HTT: variants seen among roughly 807,000 people sequenced by gnomAD.
HTT encodes the protein huntingtin.
A neutral mutation model predicts 362.3 loss-of-function variants in HTT; 104 were observed. That is an observed-to-expected ratio of 0.29 (90% CI 0.24 to 0.34). The LOEUF is 0.34. Among genes scored for constraint, HTT ranks in the 10% least tolerant of loss-of-function variants. HTT has a pLI of 1.00. For synonymous variants in HTT, 1,577 were observed against 1,548.7 expected (o/e 1.02, Z -0.43); for missense variants, 3,301 against 3,928.6 (o/e 0.84, Z 4.27).
chr4:3,186,898 GC>G (rs1301740657), intron 38 of HTT, among the ~76,000 whole-genome samples, 179 bp downstream of exon 38: 1 of 136,780 alleles, frequency 7.3e-6, no homozygotes, highest in Non-Finnish European at 1.5e-5. Flanking sequence ...TCACTCTGTC[GC>G]CCAGGCTGGA....
intron 28 of HTT, among the ~76,000 whole-genome samples, chr4:3,158,126 G>A (rs566126310): frequency 2.0e-5 from 3 of 152,102 alleles, no homozygotes; most frequent in Admixed American, 6.6e-5. Context: ...TGGGACTACC[G>A]GCATGTGCCA....
At position 3,235,286 on chromosome 4, in the gene HTT, G is replaced by A. The variant is rs1402486052; in HGVS notation, c.8459G>A (p.Cys2820Tyr). The change falls in exon 62 of 67, where the codon TGC (cysteine) becomes TAC (tyrosine). Residue 2820 changes from cysteine (C) to tyrosine (Y), a missense_variant and splice_region_variant. This residue lies in a region of HTT where 753 missense variants were observed against 1,021.3 expected (regional missense o/e 0.74). Transcript: ENST00000355072. Reference sequence around the variant, plus strand: ...TGGATGCTGTCTCCCGTTTTCAGCTGCGTGAACATTCACAGCCAGCAGCAC... The same window carrying A: ...TGGATGCTGTCTCCCGTTTTCAGCTACGTGAACATTCACAGCCAGCAGCAC... ...LLSNLKGIAH[C>Y]VNIHSQQHVL... 1.9e-6 allele frequency: 3 copies of A among 1,609,796 alleles called. No individual in the cohort carries two copies. In the Admixed American group the frequency reaches 5.0e-5, roughly 27 times the overall value.
rs1712395122 is a variant in HTT, at chr4:3,074,908, AGCAGCAGCAGCAGCAGCAGCAG to A, written c.84_105del (p.Gln28HisfsTer66). The A allele has an allele frequency of 6.6e-7, 1 of 1,504,968 alleles. No individual in the cohort carries two copies. Among genetic ancestry groups the A allele is most frequent in the Non-Finnish European group, 8.8e-7 (1 of 1,133,092 alleles). 93.2% of individuals were successfully genotyped at this position (1,504,968 alleles called of 1,614,324 possible). ...CAGCAGCAGCAGCAGCAGCAGCAGCAGCAGCAGCAGCAGCAGCAGCAGCAGCAACAGCCGCCACCGCCGCCGC... is the reference window on the plus strand; with the variant it reads ...CAGCAGCAGCAGCAGCAGCAGCAGCACAGCAACAGCCGCCACCGCCGCCGC... On this transcript the variant is annotated frameshift_variant, in exon 1 of 67. Transcript: ENST00000355072. LOFTEE classifies it high-confidence loss of function.
chr4:3,111,428 A>G (rs1347164873), intron 6 of HTT, among the ~76,000 whole-genome samples: 3 of 152,288 alleles, frequency 2.0e-5, no homozygotes, highest in East Asian at 3.9e-4. Context: ...GCCTGACCTC[A>G]GGTGATCCGC....
chr4:3,116,261 C>T lies in HTT; in HGVS notation c.1066C>T (p.Gln356Ter). Residue 356 changes from glutamine (Q) to a stop codon, truncating the protein, a stop_gained and splice_region_variant, in exon 8 of 67, where the codon CAG (glutamine) becomes TAG (stop). Coordinates refer to ENST00000355072, the MANE Select transcript of HTT (RefSeq NM_001388492.1). LOFTEE classifies it high-confidence loss of function. ...CTCTCCTTCTGCAGAGCAGCTTGTCCAGGTAGGAGCACAGGGTTTACTCTA... is the reference window on the plus strand; with the variant it reads ...CTCTCCTTCTGCAGAGCAGCTTGTCTAGGTAGGAGCACAGGGTTTACTCTA... ...EVSPSAEQLV[Q>*]VYELTLHHTQ... 1 of 1,607,280 alleles carries T rather than the reference C, an allele frequency of 6.2e-7. No individual in the cohort carries two copies.
At chr4:3,081,303 A>G (rs567891412) in intron 1 of HTT, among the ~76,000 whole-genome samples, 2 of 152,362 alleles carry the variant, frequency 1.3e-5, no homozygotes, top group South Asian at 4.1e-4. Flanking sequence ...CGGCTCTGCC[A>G]TTGTAGCATG....
intron 29 of HTT, among the ~76,000 whole-genome samples, chr4:3,170,727 A>G (rs1373276585): frequency 6.6e-6 from 1 of 152,186 alleles, no homozygotes; most frequent in African/African-American, 2.4e-5. Flanking sequence ...TGGGGCAGCC[A>G]TAGGGCTGAC....
intron 25 of HTT, among the ~76,000 whole-genome samples, chr4:3,147,421 C>T (rs1410067778): frequency 1.3e-5 from 2 of 151,950 alleles, no homozygotes; most frequent in Non-Finnish European, 2.9e-5. Flanking sequence ...AGCACCTTGG[C>T]GATGATAATG....
chr4:3,220,077 T>C, intron 52 of HTT, 105 bp from the exon 53 acceptor site: 1 of 1,241,662 alleles, frequency 8.1e-7, no homozygotes, highest in Admixed American at 1.7e-5. Flanking sequence ...AGTGTTGGGG[T>C]AGTGAGGAGG....
In HTT at chr4:3,208,826, A is replaced by C; in HGVS notation, c.6206A>C (p.Asp2069Ala). ...AGGTTTCGTCTCTCCACCATGCAAGACTCACTTAGTCCCTCTCCTCCAGTC... is the reference window on the plus strand; with the variant it reads ...AGGTTTCGTCTCTCCACCATGCAAGCCTCACTTAGTCCCTCTCCTCCAGTC... ...LDRFRLSTMQ[D>A]SLSPSPPVSS... Residue 2069 changes from aspartate (D) to alanine (A), a missense_variant, in exon 46 of 67, where the codon GAC becomes GCC. By Grantham distance (126) the Asp-to-Ala change is moderately radical. Coordinates refer to ENST00000355072, the MANE Select transcript of HTT (RefSeq NM_001388492.1). The C allele has an allele frequency of 6.2e-7, 1 of 1,613,928 alleles. No individual in the cohort carries two copies. Among genetic ancestry groups the C allele is most frequent in the Non-Finnish European group, 8.5e-7 (1 of 1,179,982 alleles).
intron 2 of HTT, among the ~76,000 whole-genome samples, chr4:3,093,898 TA>T: frequency 7.5e-6 from 1 of 132,578 alleles, no homozygotes; most frequent in African/African-American, 2.8e-5. Flanking sequence ...TTTACCCCTT[TA>T]AGTTGGTTTT....
rs1578486182 is a variant in HTT, at chr4:3,086,960, C to T, written c.285C>T (p.Thr95=). ...LHRPKKELSA[T]KKDRVNHCLT... ...TTAGAAAGAAAGAACTTTCAGCTAC[C>T]AAGAAAGACCGTGTGAATCATTGTC... Residue 95 remains threonine, a synonymous_variant, in exon 2 of 67, where the codon ACC becomes ACT. Transcript: ENST00000355072. The T allele has an allele frequency of 1.2e-6, 2 of 1,603,784 alleles. No individual in the cohort carries two copies. Among genetic ancestry groups the T allele is most frequent in the East Asian group, 2.2e-5 (1 of 44,778 alleles).
rs962952053 is a variant in HTT at position 3,193,111 on chromosome 4, G to T, written c.5368+4018G>T. On this transcript the variant is annotated intron_variant, in intron 40 of 66. Transcript: ENST00000355072. ...AGAGAGCAGCTGAGAGTACAGGCAG[G>T]CAGGCAGGATGCCGGTAGGGCCCGG... Among the ~76,000 whole-genome samples, 4 of 152,250 alleles carry T rather than the reference G, an allele frequency of 2.6e-5. No individual in the cohort carries two copies. The East Asian group carries it at 7.7e-4, about 29-fold the overall frequency.
Position 3,228,137 on chromosome 4 carries a change from AAGG to A in HTT, c.7849-473_7849-471del, listed in dbSNP as rs768330732. Reference sequence around the variant, plus strand: ...CGAGGCTTCCCGAGAACCAGGCAGAAAGGAGGACAGTCGAGGTGTGCTGACTGC... The same window carrying A: ...CGAGGCTTCCCGAGAACCAGGCAGAAAGGACAGTCGAGGTGTGCTGACTGC... On this transcript the variant is annotated intron_variant, in intron 57 of 66. Coordinates refer to ENST00000355072, the MANE Select transcript of HTT (RefSeq NM_001388492.1). This position sits in a 1 kb window ranked among gnomAD's most constrained non-coding sequence, Gnocchi z 4.3. Among the ~76,000 whole-genome samples, 1 of 152,134 alleles carries A rather than the reference AAGG, an allele frequency of 6.6e-6. No homozygotes were observed. The highest frequency in any genetic ancestry group is 2.4e-5 in the African/African-American group (1 of 41,430).
At chr4:3,168,007 A>G (rs1359266815) in intron 29 of HTT, among the ~76,000 whole-genome samples, 2 of 152,084 alleles carry the variant, frequency 1.3e-5, no homozygotes, top group Non-Finnish European at 2.9e-5. Context: ...TCACCTGCTT[A>G]ATTGTTGAGT....
At chr4:3,117,834 A>C (rs1230080389) in intron 8 of HTT, among the ~76,000 whole-genome samples, 2 of 152,204 alleles carry the variant, frequency 1.3e-5, no homozygotes, top group East Asian at 3.8e-4. Flanking sequence ...TTCTGTCTCA[A>C]AAAAACAAAA....
chr4:3,212,096 G>A lies in HTT; in HGVS notation c.6582G>A (p.Leu2194=). ...PAVHHVFQPE[L]PAEPAAYWSK... is the part of the protein sequence containing the mutation. Reference sequence around the variant, plus strand: ...TCCATCATGTCTTCCAGCCCGAGCTGCCTGCAGAGCCGGCGGCCTACTGGA... The same window carrying A: ...TCCATCATGTCTTCCAGCCCGAGCTACCTGCAGAGCCGGCGGCCTACTGGA... The change falls in exon 48 of 67, where the codon CTG becomes CTA. Residue 2194 remains leucine, a synonymous_variant. Coordinates refer to ENST00000355072, the MANE Select transcript of HTT (RefSeq NM_001388492.1). The A allele has an allele frequency of 6.2e-7, 1 of 1,613,944 alleles. No individual in the cohort carries two copies. Among genetic ancestry groups the A allele is most frequent in the Non-Finnish European group, 8.5e-7 (1 of 1,179,784 alleles).
chr4:3,222,319 AGCTGT>A, intron 53 of HTT, 63 bp from the exon 54 acceptor site: 1 of 1,351,248 alleles, frequency 7.4e-7, no homozygotes, highest in Non-Finnish European at 1.1e-6. Flanking sequence ...GTGTCGGCGT[AGCTGT>A]CAGCTCTCCG....
chr4:3,125,086 T>C (rs6446723), intron 10 of HTT, among the ~76,000 whole-genome samples: 71,235 of 152,008 alleles, frequency 0.47, 17,273 homozygotes, highest in African/African-American at 0.58. Flanking sequence ...TCATAAAGTC[T>C]AGAAAATTAA....
Sources: gnomAD v4.1 joint callset for allele counts (sites outside exome capture counted in the v4.1 genomes callset) on GRCh38, gnomAD v4.1.1 for gene constraint, gnomAD v4.1.1 regional missense constraint, Gnocchi (gnomAD v3.1) non-coding constraint, MANE v1.5 for transcripts, NCBI Gene and HGNC (gene_info 2026-07-23, HGNC 2026-07-21) for gene names.